Variants in JAZF1 observed in about 807,000 individuals in gnomAD.
JAZF1 encodes JAZF zinc finger 1.
A neutral mutation model predicts 26.4 loss-of-function variants in JAZF1; 8 were observed. The observed-to-expected ratio is 0.30, with a 90% confidence interval of 0.18 to 0.55. JAZF1 has a LOEUF of 0.55. Among genes scored for constraint, JAZF1 ranks in the 20% least tolerant of loss-of-function variants. The pLI is 0.94. For synonymous variants in JAZF1, 126 were observed against 122.3 expected (o/e 1.03, Z -0.20); for missense variants, 199 against 322.0 (o/e 0.62, Z 2.92).
intron 1 of JAZF1, among the ~76,000 whole-genome samples, chr7:28,040,327 T>C (rs1400435844): frequency 6.6e-6 from 1 of 152,164 alleles, no homozygotes; most frequent in Non-Finnish European, 1.5e-5. Context: ...GCAAGCAAGG[T>C]CCTGTTCTTG....
chr7:28,180,389 G>T, intron 1 of JAZF1, 74 bp downstream of exon 1: 1 of 1,229,074 alleles, frequency 8.1e-7, no homozygotes, highest in Middle Eastern at 2.6e-4. Flanking sequence ...GCCACCCCTG[G>T]CCATTCCGGG....
intron 1 of JAZF1, among the ~76,000 whole-genome samples, chr7:27,993,279 A>G (rs1785941167): frequency 6.6e-6 from 1 of 152,210 alleles, no homozygotes; most frequent in Admixed American, 6.5e-5. Context: ...GGCTCCATCA[A>G]GTCGGGTCTG....
intron 4 of JAZF1, among the ~76,000 whole-genome samples, chr7:27,838,231 G>C (rs1782855467): frequency 6.6e-6 from 1 of 152,078 alleles, no homozygotes; most frequent in African/African-American, 2.4e-5. Context: ...TTTTGTTAGA[G>C]AGAATCTGTT....
chr7:27,910,298 G>A (rs1784340191), intron 2 of JAZF1, among the ~76,000 whole-genome samples: 1 of 152,116 alleles, frequency 6.6e-6, no homozygotes, highest in African/African-American at 2.4e-5. Context: ...TCCCCTACAT[G>A]CTCCATCCCA....
At chr7:28,151,070 T>C (rs1254129380) in intron 1 of JAZF1, among the ~76,000 whole-genome samples, 1 of 151,120 alleles carries the variant, frequency 6.6e-6, no homozygotes, top group East Asian at 1.9e-4. Context: ...TTAACAGCAG[T>C]AGCTCTTGGG....
chr7:28,175,144 C>A (rs1447926853), intron 1 of JAZF1, among the ~76,000 whole-genome samples: 1 of 152,170 alleles, frequency 6.6e-6, no homozygotes, highest in Non-Finnish European at 1.5e-5. Flanking sequence ...GCTTTGACAC[C>A]ACTTTCCCAG....
intron 1 of JAZF1, among the ~76,000 whole-genome samples, chr7:28,064,541 TTAAAC>T (rs559291090): frequency 1.6e-4 from 24 of 152,128 alleles, no homozygotes; most frequent in Non-Finnish European, 2.9e-4. Flanking sequence ...CTATAAATGT[TTAAAC>T]TAATATCAAT....
At chr7:27,836,310 AG>A (rs1782811937) in intron 4 of JAZF1, among the ~76,000 whole-genome samples, 1 of 81,960 alleles carries the variant, frequency 1.2e-5, no homozygotes, top group Non-Finnish European at 2.7e-5. Flanking sequence ...AGGAGAACTT[AG>A]GTGGGGGGGG....
At chr7:27,944,167 A>G (rs769711276) in intron 2 of JAZF1, among the ~76,000 whole-genome samples, 1 of 152,146 alleles carries the variant, frequency 6.6e-6, no homozygotes, top group African/African-American at 2.4e-5. Flanking sequence ...CACTACTACA[A>G]AAGGAACTAC....
intron 3 of JAZF1, among the ~76,000 whole-genome samples, chr7:27,879,415 CCA>C (rs752529613): frequency 3.3e-5 from 5 of 152,134 alleles, no homozygotes; most frequent in South Asian, 2.1e-4. Flanking sequence ...CACCTGAGCT[CCA>C]GTTTGCAAGC....
In JAZF1 at chr7:27,915,261, A is replaced by C. The variant is rs867851523; in HGVS notation, c.189-19845T>G. On this transcript the variant is annotated intron_variant, in intron 2 of 4. Coordinates refer to ENST00000283928, the MANE Select transcript of JAZF1 (RefSeq NM_175061.4). ...GAATTCTTTATAATGCTATGTTTCA[A>C]AAGGGGGCTGTAATAAATCACCAAA... Among the ~76,000 whole-genome samples, 144 of 152,206 alleles carry C rather than the reference A, an allele frequency of 9.5e-4. 1 individual carries two copies. The highest frequency in any genetic ancestry group is 3.4e-3 in the African/African-American group (142 of 41,444).
rs540231153 is a variant in JAZF1 at position 28,090,425 on chromosome 7, C to T, written c.115+90038G>A. Among the ~76,000 whole-genome samples, 6 of 152,300 alleles carry T rather than the reference C, an allele frequency of 3.9e-5. No individual in the cohort carries two copies. In the South Asian group the frequency reaches 1.0e-3, roughly 26 times the overall value. On this transcript the variant is annotated intron_variant, in intron 1 of 4. Coordinates refer to ENST00000283928, the MANE Select transcript of JAZF1 (RefSeq NM_175061.4). ...TAACTTGCCCATTCATCTTATTTTT[C>T]ATAACTTTAAACATTATTAAATCAA... is the stretch of plus-strand genomic sequence containing the variant.
chr7:28,137,888 T>C (rs369575112), intron 1 of JAZF1, among the ~76,000 whole-genome samples: 3 of 152,214 alleles, frequency 2.0e-5, no homozygotes, highest in East Asian at 3.8e-4. Flanking sequence ...ATGACAATCC[T>C]ATGGGTAGAT....
At chr7:28,070,960 T>C (rs1423554384) in intron 1 of JAZF1, among the ~76,000 whole-genome samples, 2 of 152,278 alleles carry the variant, frequency 1.3e-5, no homozygotes, top group East Asian at 1.9e-4. Flanking sequence ...TTCAATAAAT[T>C]TGATTGACTG....
chr7:27,899,498 G>T (rs1343505046), intron 2 of JAZF1, among the ~76,000 whole-genome samples: 2 of 152,128 alleles, frequency 1.3e-5, no homozygotes, highest in African/African-American at 2.4e-5. Context: ...GCAGTGGTGT[G>T]ATTACAGTGC....
chr7:28,171,583 T>C (rs936072095), intron 1 of JAZF1, among the ~76,000 whole-genome samples: 3 of 152,196 alleles, frequency 2.0e-5, no homozygotes, highest in Non-Finnish European at 2.9e-5. Flanking sequence ...GGGCAGGGGC[T>C]ACAGGACAGA....
chr7:27,980,094 C>T (rs1027787289), intron 2 of JAZF1, among the ~76,000 whole-genome samples: 5 of 152,132 alleles, frequency 3.3e-5, no homozygotes, highest in African/African-American at 1.2e-4. Context: ...TTCAAATTCT[C>T]CTCTTACTTT....
rs542031586 is a variant in JAZF1, at chr7:27,840,327, C to T, written c.555+371G>A. ...TCCCGTGAGCCATCTGTAGGGCCAT[C>T]CGTTGGGGAAGGTGCTTGGCAAATA... is the stretch of plus-strand genomic sequence containing the variant. On this transcript the variant is annotated intron_variant, in intron 4 of 4. Coordinates refer to ENST00000283928, the MANE Select transcript of JAZF1 (RefSeq NM_175061.4). The surrounding 1 kb of genome is among the most constrained non-coding windows in gnomAD (Gnocchi z 5.1). Among the ~76,000 whole-genome samples, 64 of 152,340 alleles carry T rather than the reference C, an allele frequency of 4.2e-4. 2 individuals carry two copies. The highest frequency in any genetic ancestry group is 3.8e-3 in the Admixed American group (58 of 15,310).
chr7:27,864,428 T>C (rs1783436833), intron 3 of JAZF1, among the ~76,000 whole-genome samples: 1 of 152,142 alleles, frequency 6.6e-6, no homozygotes, highest in Non-Finnish European at 1.5e-5. Context: ...CTTCATCCTT[T>C]TCTTCTTTTC....
Sources: gnomAD v4.1 joint callset for allele counts (sites outside exome capture counted in the v4.1 genomes callset) on GRCh38, gnomAD v4.1.1 for gene constraint, Gnocchi (gnomAD v3.1) non-coding constraint, MANE v1.5 for transcripts, NCBI Gene and HGNC (gene_info 2026-07-23, HGNC 2026-07-21) for gene names.